The following SERGEF variants were observed in gnomAD, a reference collection of about 807,000 sequenced individuals.
SERGEF encodes secretion-regulating guanine nucleotide exchange factor.
Under a neutral mutation model 50.0 loss-of-function variants are expected in SERGEF, and 51 were observed. That is an observed-to-expected ratio of 1.02 (90% CI 0.81 to 1.29). The LOEUF (loss-of-function observed/expected upper bound fraction) is 1.29. Ranked by LOEUF, SERGEF falls within the 50% of genes most tolerant of loss-of-function variation. SERGEF has a pLI of 0.00. For synonymous variants in SERGEF, 205 were observed against 212.4 expected, an observed-to-expected ratio of 0.97 and a Z score of 0.30; for missense variants, 521 against 557.0, an observed-to-expected ratio of 0.94 and a Z score of 0.65.
At chr11:18,000,284 C>G (rs1015918726) in intron 5 of SERGEF, among the ~76,000 whole-genome samples, 1 of 151,668 alleles carries the variant, frequency 6.6e-6, no homozygotes, top group Non-Finnish European at 1.5e-5. Flanking sequence ...CCTGTCTCTA[C>G]AAAAAATCTT....
chr11:17,830,649 G>GGGGAGAGA (rs1850285342), intron 10 of SERGEF, among the ~76,000 whole-genome samples: 2 of 77,726 alleles, frequency 2.6e-5, no homozygotes, highest in Admixed American at 1.8e-4. Context: ...GGAGAGGGAG[G>GGGGAGAGA]GAGAGAGAGA....
intron 9 of SERGEF, among the ~76,000 whole-genome samples, chr11:17,895,760 C>T (rs1590182754): frequency 6.6e-6 from 1 of 152,304 alleles, no homozygotes; most frequent in East Asian, 1.9e-4. Context: ...CCACTGTCCA[C>T]TTAACACGTG....
intron 10 of SERGEF, among the ~76,000 whole-genome samples, chr11:17,842,506 C>T (rs186819622): frequency 6.6e-6 from 1 of 152,152 alleles, no homozygotes; most frequent in African/African-American, 2.4e-5. Context: ...TCAGTTAATC[C>T]TTTCAGTACT....
intron 10 of SERGEF, among the ~76,000 whole-genome samples, chr11:17,810,158 T>A (rs1283038606): frequency 1.3e-5 from 2 of 152,176 alleles, no homozygotes; most frequent in African/African-American, 2.4e-5. Context: ...TCTCTGTCCT[T>A]AGGTATCACT....
intron 8 of SERGEF, among the ~76,000 whole-genome samples, chr11:17,960,552 A>G (rs750458969): frequency 2.0e-5 from 3 of 152,232 alleles, no homozygotes; most frequent in Admixed American, 1.3e-4. Context: ...TAACAAAGAA[A>G]AACTTTGCTT....
At chr11:17,947,968 T>TTC (rs1555015414) in intron 9 of SERGEF, among the ~76,000 whole-genome samples, 3 of 150,412 alleles carry the variant, frequency 2.0e-5, no homozygotes, top group African/African-American at 7.4e-5. Context: ...TTTTTTTTTT[T>TTC]CTGAGACGGA....
chr11:17,902,212 G>A (rs1403536371), intron 9 of SERGEF, among the ~76,000 whole-genome samples: 1 of 121,036 alleles, frequency 8.3e-6, no homozygotes, highest in African/African-American at 3.3e-5. Context: ...AAACCTATAT[G>A]GGAATTGAAG....
intron 9 of SERGEF, among the ~76,000 whole-genome samples, chr11:17,903,500 C>T (rs1167863349): frequency 6.6e-6 from 1 of 152,150 alleles, no homozygotes; most frequent in African/African-American, 2.4e-5. Flanking sequence ...GACAAGGTTA[C>T]CCTAGATAGA....
chr11:17,863,898 T>C (rs1317538189), intron 10 of SERGEF, among the ~76,000 whole-genome samples: 1 of 152,388 alleles, frequency 6.6e-6, no homozygotes, highest in Admixed American at 6.5e-5. Flanking sequence ...ATGAAGATGT[T>C]AAACACAGTT....
At chr11:17,844,699 T>C (rs187175487) in intron 10 of SERGEF, among the ~76,000 whole-genome samples, 4 of 152,268 alleles carry the variant, frequency 2.6e-5, no homozygotes, top group Admixed American at 6.5e-5. Context: ...CTCAATCCCT[T>C]TGCCTCACAA....
chr11:17,861,113 T>C (rs952541077), intron 10 of SERGEF, among the ~76,000 whole-genome samples: 1 of 152,172 alleles, frequency 6.6e-6, no homozygotes, highest in Non-Finnish European at 1.5e-5. Flanking sequence ...CAGTAATGCA[T>C]GTCTGTGGCA....
intron 10 of SERGEF, among the ~76,000 whole-genome samples, chr11:17,876,193 G>A (rs1238335244): frequency 2.6e-5 from 4 of 152,176 alleles, no homozygotes; most frequent in African/African-American, 7.2e-5. Flanking sequence ...CCCTGTGCCT[G>A]CACTCACTTT....
chr11:17,935,514 A>G (rs1313049261), intron 9 of SERGEF, among the ~76,000 whole-genome samples: 1 of 152,150 alleles, frequency 6.6e-6, no homozygotes, highest in East Asian at 1.9e-4. Flanking sequence ...GTATAGAATC[A>G]TGTAATTTTA....
chr11:17,862,134 A>C (rs902863961), intron 10 of SERGEF, among the ~76,000 whole-genome samples: 1 of 152,002 alleles, frequency 6.6e-6, no homozygotes, highest in South Asian at 2.1e-4. Context: ...CATTTCCCCC[A>C]GTTTGCCATG....
intron 10 of SERGEF, among the ~76,000 whole-genome samples, chr11:17,851,153 C>T (rs1850705216): frequency 2.0e-5 from 3 of 152,136 alleles, no homozygotes; most frequent in Admixed American, 6.5e-5. Flanking sequence ...TGGCCCTGTG[C>T]TGAGGGCTTT....
At chr11:17,846,998 T>C (rs1850626361) in intron 10 of SERGEF, among the ~76,000 whole-genome samples, 1 of 152,226 alleles carries the variant, frequency 6.6e-6, no homozygotes, top group Non-Finnish European at 1.5e-5. Context: ...ACTGCAGTCA[T>C]GTGAGGATGT....
At position 17,806,125 on chromosome 11, in the gene SERGEF, A is replaced by C. The variant is rs574800415; in HGVS notation, c.1049-17712T>G. ...TCCCACCCTATGGAGACTAAACTGC[A>C]CCAAAGCTGAAAACACTAGACAGAA... On this transcript the variant is annotated intron_variant, in intron 10 of 10. Coordinates refer to ENST00000265965, the MANE Select transcript of SERGEF (RefSeq NM_012139.4). Among the ~76,000 whole-genome samples, 6 of 152,328 alleles carry C rather than the reference A, an allele frequency of 3.9e-5. No homozygotes were observed. The East Asian group carries it at 5.8e-4, about 15-fold the overall frequency.
chr11:18,012,895 T>C, intron 1 of SERGEF, 56 bp downstream of exon 1: 1 of 1,533,332 alleles, frequency 6.5e-7, no homozygotes, highest in Non-Finnish European at 8.7e-7. Context: ...GGCCAGCAGC[T>C]CCCACATCTC....
chr11:17,957,971 A>G (rs967663084), intron 9 of SERGEF, among the ~76,000 whole-genome samples: 1 of 152,220 alleles, frequency 6.6e-6, no homozygotes, highest in Non-Finnish European at 1.5e-5. Context: ...CACAAAAAGG[A>G]ATGTAGCTGT....
Sources: gnomAD v4.1 joint callset for allele counts (sites outside exome capture counted in the v4.1 genomes callset) on GRCh38, gnomAD v4.1.1 for gene constraint, MANE v1.5 for transcripts, NCBI Gene and HGNC (gene_info 2026-07-23, HGNC 2026-07-21) for gene names.